GABRA2: variants seen among roughly 807,000 people sequenced by gnomAD.
The protein encoded by GABRA2 is gamma-aminobutyric acid type A receptor subunit alpha2.
In GABRA2, 16 loss-of-function variants were observed where a neutral mutation model predicts 48.7. The observed-to-expected ratio is 0.33, with a 90% confidence interval of 0.22 to 0.50. The LOEUF is 0.50. Among genes scored for constraint, GABRA2 ranks in the 20% least tolerant of loss-of-function variants. The probability of loss-of-function intolerance (pLI) is 0.98; values close to 1 mark genes in which losing one functional copy is unlikely to be tolerated. For missense variants in GABRA2, 275 were observed against 535.6 expected (o/e 0.51, Z 4.80); for synonymous variants, 185 against 184.5 (o/e 1.00, Z -0.02).
At chr4:46,303,349 T>A in intron 8 of GABRA2, 111 bp downstream of exon 8, 1 of 1,066,508 alleles carries the variant, frequency 9.4e-7, no homozygotes, top group South Asian at 1.3e-5. Context: ...AAAACAATAC[T>A]CCCCGCCCCA....
At chr4:46,388,773 C>G (rs1308142763) in intron 1 of GABRA2, 57 bp from the exon 2 acceptor site, 1 of 1,611,398 alleles carries the variant, frequency 6.2e-7, no homozygotes, top group African/African-American at 1.3e-5. Flanking sequence ...TTCAGTTTCA[C>G]TATCCAAGTA....
intron 3 of GABRA2, among the ~76,000 whole-genome samples, chr4:46,369,204 C>T (rs1406090076): frequency 6.6e-6 from 1 of 152,048 alleles, no homozygotes; most frequent in African/African-American, 2.4e-5. Flanking sequence ...AGATCTCTGG[C>T]TAAATCTAGA....
intron 3 of GABRA2, among the ~76,000 whole-genome samples, chr4:46,352,167 G>T (rs1735240590): frequency 1.3e-5 from 2 of 151,988 alleles, no homozygotes; most frequent in Admixed American, 1.3e-4. Flanking sequence ...TGTAAAGGCA[G>T]AGAATCACTA....
At chr4:46,306,767 C>A (rs920922582) in intron 6 of GABRA2, among the ~76,000 whole-genome samples, 1 of 152,158 alleles carries the variant, frequency 6.6e-6, no homozygotes, top group African/African-American at 2.4e-5. Context: ...CACTGGAAAT[C>A]TCATTCTCTG....
chr4:46,261,814 A>G, intron 9 of GABRA2, 112 bp downstream of exon 9: 1 of 911,932 alleles, frequency 1.1e-6, no homozygotes, highest in Non-Finnish European at 1.8e-6. Flanking sequence ...ATATGATTCA[A>G]ATTCATATAT....
intron 4 of GABRA2, among the ~76,000 whole-genome samples, chr4:46,316,484 A>G (rs948905685): frequency 1.3e-5 from 2 of 152,038 alleles, no homozygotes; most frequent in African/African-American, 4.8e-5. Flanking sequence ...TAGTATGCTG[A>G]CACTGCCCTA....
At chr4:46,288,086 A>C (rs6817334) in intron 8 of GABRA2, among the ~76,000 whole-genome samples, 13,204 of 152,118 alleles carry the variant, frequency 0.087, 1,900 homozygotes, top group African/African-American at 0.3. Flanking sequence ...ATCCACCCCC[A>C]TAATTCAATC....
intron 3 of GABRA2, among the ~76,000 whole-genome samples, chr4:46,375,423 G>GT (rs912979553): frequency 2.6e-4 from 40 of 151,302 alleles, no homozygotes; most frequent in Non-Finnish European, 4.4e-4. Context: ...TTCATGTCTA[G>GT]TTTTTTTTTC....
intron 3 of GABRA2, among the ~76,000 whole-genome samples, chr4:46,374,107 T>C (rs1403728794): frequency 6.6e-6 from 1 of 152,126 alleles, no homozygotes; most frequent in African/African-American, 2.4e-5. Flanking sequence ...TTACCCTGAT[T>C]CTCTGACTAT....
intron 6 of GABRA2, among the ~76,000 whole-genome samples, chr4:46,306,405 G>C (rs1726708320): frequency 6.6e-6 from 1 of 152,138 alleles, no homozygotes; most frequent in African/African-American, 2.4e-5. Flanking sequence ...TGACTTATTG[G>C]CCAAGGATGC....
chr4:46,291,578 G>A (rs753293007), intron 8 of GABRA2, among the ~76,000 whole-genome samples: 38 of 151,994 alleles, frequency 2.5e-4, no homozygotes, highest in Non-Finnish European at 5.0e-4. Flanking sequence ...GCAGAAAAAC[G>A]TGAAAAGGCT....
At chr4:46,333,265 TA>T (rs1731676730) in intron 3 of GABRA2, among the ~76,000 whole-genome samples, 1 of 152,090 alleles carries the variant, frequency 6.6e-6, no homozygotes, top group Non-Finnish European at 1.5e-5. Flanking sequence ...TAAATGTATT[TA>T]AGAATGCCTG....
chr4:46,313,020 A>G (rs1205763071), intron 4 of GABRA2, among the ~76,000 whole-genome samples: 1 of 151,846 alleles, frequency 6.6e-6, no homozygotes, highest in Admixed American at 6.6e-5. Flanking sequence ...TGTAGTTTAG[A>G]GCTGCTTGGA....
chr4:46,382,219 A>G (rs1388120354), intron 3 of GABRA2, among the ~76,000 whole-genome samples: 2 of 151,458 alleles, frequency 1.3e-5, no homozygotes, highest in African/African-American at 4.9e-5. Context: ...TAAAGTGCTA[A>G]AGAAGCACAA....
At chr4:46,324,284 C>T (rs1311991873) in intron 4 of GABRA2, among the ~76,000 whole-genome samples, 1 of 151,962 alleles carries the variant, frequency 6.6e-6, no homozygotes, top group Non-Finnish European at 1.5e-5. Flanking sequence ...GTCACAATTT[C>T]CTGGTACTGT....
intron 3 of GABRA2, among the ~76,000 whole-genome samples, chr4:46,349,567 A>G (rs1472923008): frequency 6.6e-6 from 1 of 151,952 alleles, no homozygotes; most frequent in Non-Finnish European, 1.5e-5. Context: ...TTTCAAGTAG[A>G]GTTTGGTTTT....
chr4:46,268,113 A>G (rs896888262), intron 8 of GABRA2, among the ~76,000 whole-genome samples: 2 of 152,100 alleles, frequency 1.3e-5, no homozygotes, highest in African/African-American at 4.8e-5. Flanking sequence ...TAAAAGATAA[A>G]GAAAAAGGTA....
chr4:46,357,412 G>A (rs1323388798), intron 3 of GABRA2, among the ~76,000 whole-genome samples: 5 of 147,082 alleles, frequency 3.4e-5, no homozygotes, highest in African/African-American at 1.3e-4. Flanking sequence ...CTAGTATGTT[G>A]CATTTCATTT....
At chr4:46,317,364 A>G (rs559093581) in intron 4 of GABRA2, among the ~76,000 whole-genome samples, 2 of 152,006 alleles carry the variant, frequency 1.3e-5, no homozygotes, top group Admixed American at 6.6e-5. Context: ...GGAAGAAAAT[A>G]TTAGAATCTC....
Sources: gnomAD v4.1 joint callset for allele counts (sites outside exome capture counted in the v4.1 genomes callset) on GRCh38, gnomAD v4.1.1 for gene constraint, MANE v1.5 for transcripts, NCBI Gene and HGNC (gene_info 2026-07-23, HGNC 2026-07-21) for gene names.